The following OSBPL9 variants were observed in gnomAD, a reference collection of about 807,000 sequenced individuals.
OSBPL9 encodes oxysterol binding protein like 9.
In OSBPL9, 40 loss-of-function variants were observed where a neutral mutation model predicts 106.6. The observed-to-expected ratio is 0.38, with a 90% CI of 0.29 to 0.49. OSBPL9 has a LOEUF of 0.49. Ranked by LOEUF, OSBPL9 falls within the 20% of genes least tolerant of loss-of-function variation. The pLI is 0.97. For synonymous variants in OSBPL9, 269 were observed against 295.4 expected, an observed-to-expected ratio of 0.91 and a Z score of 0.92; for missense variants, 609 against 887.2, an observed-to-expected ratio of 0.69 and a Z score of 3.98.
intron 13 of OSBPL9, among the ~76,000 whole-genome samples, 200 bp from the exon 14 acceptor site, chr1:51,772,405 C>G (rs1476676107): frequency 3.9e-5 from 6 of 152,116 alleles, no homozygotes; most frequent in Non-Finnish European, 5.9e-5. Flanking sequence ...ATCCCAGCTG[C>G]CAAGGAGGCT....
intron 4 of OSBPL9, among the ~76,000 whole-genome samples, chr1:51,735,818 A>G (rs982161440): frequency 2.0e-5 from 3 of 152,234 alleles, no homozygotes; most frequent in African/African-American, 7.2e-5. Flanking sequence ...GAAGATTGTC[A>G]TTGCCTCATC....
chr1:51,677,713 G>C (rs1048613568), intron 3 of OSBPL9, among the ~76,000 whole-genome samples: 5 of 152,018 alleles, frequency 3.3e-5, no homozygotes, highest in Non-Finnish European at 4.4e-5. Flanking sequence ...ACCACTCTCG[G>C]CTAATTTTTG....
At position 51,666,094 on chromosome 1, in the gene OSBPL9, C is replaced by T. The variant is rs571067878; in HGVS notation, c.163-3340C>T. On this transcript the variant is annotated intron_variant, in intron 2 of 23. Transcript: ENST00000428468. ...AACCCCTGACCTCAGGTGATCCGCCCGCCTCGGCCTCCCAAAGGGCTAGGA... is the reference window on the plus strand; with the variant it reads ...AACCCCTGACCTCAGGTGATCCGCCTGCCTCGGCCTCCCAAAGGGCTAGGA... Among the ~76,000 whole-genome samples the T allele has an allele frequency of 5.9e-5, 9 of 151,976 alleles. 1 individual carries two copies. Among genetic ancestry groups the T allele is most frequent in the African/African-American group, 1.5e-4 (6 of 41,362 alleles).
Position 51,784,285 on chromosome 1 carries a change from A to G in OSBPL9, c.1646A>G (p.Tyr549Cys). 1.9e-6 allele frequency: 3 copies of G among 1,614,034 alleles called. No homozygotes were observed. Among genetic ancestry groups the G allele is most frequent in the South Asian group, 1.1e-5 (1 of 91,080 alleles). The change falls in exon 19 of 24, where the codon TAT (tyrosine) becomes TGT (cysteine). Residue 549 changes from tyrosine to cysteine, a missense_variant. Physicochemically the swap from Tyr to Cys is radical, Grantham distance 194. Around this residue, in one of 5 missense-constraint regions of OSBPL9, gnomAD observed 356 missense variants for 505.8 expected, o/e 0.70. Coordinates refer to ENST00000428468, the MANE Select transcript of OSBPL9 (RefSeq NM_024586.6). ...ACAGGCTGTGTCTCATGTCTAGACT[A>G]TGATGAACATTACATTCTCACATTC... Reference protein sequence around the residue: ...IGQGCVSCLDYDEHYILTFPN... With the variant: ...IGQGCVSCLDCDEHYILTFPN...
In OSBPL9 at chr1:51,729,692, T is replaced by G; in HGVS notation, c.318+15613T>G. 1.8e-6 allele frequency: 1 copy of G among 568,464 alleles called. No homozygotes were observed. Among genetic ancestry groups the G allele is most frequent in the Non-Finnish European group, 2.5e-6 (1 of 392,506 alleles). 35.2% of individuals were successfully genotyped at this position (568,464 alleles called of 1,614,324 possible). A position where few individuals can be genotyped will look rare whatever the true frequency, so the allele number is the denominator to read the frequency against. ...CTGGCCCAACCGCCAATCGTCTGCC[T>G]CTCACCTCCTACAGCAGGTGACCCA... is the stretch of plus-strand genomic sequence containing the variant. On this transcript the variant is annotated intron_variant, in intron 4 of 23. Transcript: ENST00000428468. The surrounding 1 kb of genome is among the most constrained non-coding windows in gnomAD (Gnocchi z 5.1).
At chr1:51,687,979 G>A (rs1654180910) in intron 3 of OSBPL9, among the ~76,000 whole-genome samples, 1 of 152,128 alleles carries the variant, frequency 6.6e-6, no homozygotes, top group South Asian at 2.1e-4. Context: ...AGGCAGTAAC[G>A]GTGGTTGCTT....
At chr1:51,521,957 G>A in the OSBPL9 span, among the ~76,000 whole-genome samples, 8,780 of 151,752 alleles carry the variant, frequency 0.058, 344 homozygotes, top group Non-Finnish European at 0.086. Context: ...GGGTTTCACC[G>A]TGTTGGCCAG....
intron 1 of OSBPL9, among the ~76,000 whole-genome samples, chr1:51,584,270 T>C (rs1315832366): frequency 6.6e-6 from 1 of 152,216 alleles, no homozygotes. Flanking sequence ...TGGCAGCTTG[T>C]AGCAGTGGCT....
chr1:51,661,040 T>G (rs1053836639), intron 2 of OSBPL9, among the ~76,000 whole-genome samples: 1 of 152,112 alleles, frequency 6.6e-6, no homozygotes, highest in African/African-American at 2.4e-5. Flanking sequence ...TAAAGAAGAG[T>G]AGTGACCTGT....
chr1:51,607,107 A>T (rs1325809142), intron 2 of OSBPL9, among the ~76,000 whole-genome samples: 2 of 151,942 alleles, frequency 1.3e-5, no homozygotes, highest in African/African-American at 4.8e-5. Context: ...GAAAAAACAT[A>T]AAACCAACCA....
rs375684779 is a variant in OSBPL9 at position 51,626,094 on chromosome 1, A to G, written c.111+8873A>G. 2.0e-4 allele frequency among the ~76,000 whole-genome samples: 31 copies of G among 152,276 alleles called. 1 individual carries two copies. In the South Asian group the frequency reaches 5.2e-3, roughly 25 times the overall value. Reference sequence around the variant, plus strand: ...GCACAGCTGGGTGAAAATACACTGGATAAAAATGTGATCTGTCGTTCTGGC... The same window carrying G: ...GCACAGCTGGGTGAAAATACACTGGGTAAAAATGTGATCTGTCGTTCTGGC... On this transcript the variant is annotated intron_variant, in intron 1 of 23. Coordinates refer to ENST00000428468, the MANE Select transcript of OSBPL9 (RefSeq NM_024586.6).
chr1:51,633,524 G>A (rs1229355226), intron 1 of OSBPL9, among the ~76,000 whole-genome samples: 4 of 151,910 alleles, frequency 2.6e-5, no homozygotes, highest in African/African-American at 9.7e-5. Flanking sequence ...CTGGGAAGTA[G>A]AGGCTGCAGT....
At chr1:51,777,963 G>C (rs1418369047) in intron 15 of OSBPL9, among the ~76,000 whole-genome samples, 1 of 151,954 alleles carries the variant, frequency 6.6e-6, no homozygotes, top group Non-Finnish European at 1.5e-5. Context: ...GACCAGCCAG[G>C]GCAACACAGC....
At chr1:51,656,355 A>G (rs1646813188) in intron 2 of OSBPL9, among the ~76,000 whole-genome samples, 1 of 152,192 alleles carries the variant, frequency 6.6e-6, no homozygotes, top group Non-Finnish European at 1.5e-5. Flanking sequence ...TTAATGAGCT[A>G]TCATTGACTG....
the OSBPL9 span, among the ~76,000 whole-genome samples, chr1:51,523,933 T>C: frequency 2.0e-4 from 31 of 152,020 alleles, no homozygotes; most frequent in African/African-American, 7.2e-4. Flanking sequence ...ATTGAAACTA[T>C]GGAAAAAAAA....
intron 1 of OSBPL9, among the ~76,000 whole-genome samples, chr1:51,618,138 C>T (rs1644197508): frequency 6.6e-6 from 1 of 152,016 alleles, no homozygotes; most frequent in South Asian, 2.1e-4. Flanking sequence ...CTGCCTCTGG[C>T]CTCCCTAGTA....
the OSBPL9 span, among the ~76,000 whole-genome samples, chr1:51,533,987 A>G: frequency 6.6e-6 from 1 of 151,558 alleles, no homozygotes; most frequent in Admixed American, 6.6e-5. Flanking sequence ...CAGGTGGATC[A>G]TGAGGTCAGG....
intron 4 of OSBPL9, among the ~76,000 whole-genome samples, chr1:51,719,970 C>T (rs1334101734): frequency 6.6e-6 from 1 of 152,152 alleles, no homozygotes; most frequent in African/African-American, 2.4e-5. Context: ...CCATGTGGAA[C>T]GTGATGATGT....
chr1:51,527,330 G>GTGATGATGATGA, the OSBPL9 span, among the ~76,000 whole-genome samples: 1 of 110,226 alleles, frequency 9.1e-6, no homozygotes, highest in Non-Finnish European at 1.8e-5. Context: ...AATGATGATG[G>GTGATGATGATGA]TGATGATGAT....
Sources: allele counts gnomAD v4.1 joint callset (sites outside exome capture counted in the v4.1 genomes callset), GRCh38; gene constraint gnomAD v4.1.1; regional missense constraint gnomAD v4.1.1; non-coding constraint Gnocchi (gnomAD v3.1); transcripts MANE v1.5; gene names NCBI Gene and HGNC (gene_info 2026-07-23, HGNC 2026-07-21).